Variants in LARGE1 observed in about 807,000 individuals in gnomAD.
The protein encoded by LARGE1 is LARGE xylosyl- and glucuronyltransferase 1.
In LARGE1, 43 loss-of-function variants were observed where a neutral mutation model predicts 87.6. The ratio of observed to expected loss-of-function variants is 0.49; its 90% CI spans 0.38 to 0.63. The LOEUF (loss-of-function observed/expected upper bound fraction) is 0.63. LARGE1 is among the 30% of genes least tolerant of loss of function. LARGE1 has a pLI of 0.00. For missense variants in LARGE1, 802 were observed against 1,000.2 expected, an observed-to-expected ratio of 0.80 and a Z score of 2.67; for synonymous variants, 434 against 394.6, an observed-to-expected ratio of 1.10 and a Z score of -1.18.
intron 3 of LARGE1, among the ~76,000 whole-genome samples, chr22:33,629,811 C>T (rs2080045712): frequency 6.6e-6 from 1 of 151,906 alleles, no homozygotes. Flanking sequence ...TTGGCTCATG[C>T]CTGTGGCTCA....
chr22:33,525,998 A>G (rs2071873765), intron 6 of LARGE1, among the ~76,000 whole-genome samples: 1 of 152,204 alleles, frequency 6.6e-6, no homozygotes, highest in Non-Finnish European at 1.5e-5. Context: ...TCATAGCAAC[A>G]TTACTCATGG....
chr22:33,779,473 A>C (rs1239583088), intron 1 of LARGE1, among the ~76,000 whole-genome samples: 1 of 152,134 alleles, frequency 6.6e-6, no homozygotes, highest in Non-Finnish European at 1.5e-5. Context: ...GTTCCTAGCG[A>C]CAGTTTGATC....
exon 12 of LARGE1, chr22:33,164,968 AC>A (rs1431964770): frequency 3.3e-5 from 5 of 152,232 alleles, no homozygotes; most frequent in African/African-American, 1.2e-4. Context: ...GTACTCATGG[AC>A]AAAAAGATGG....
intron 9 of LARGE1, among the ~76,000 whole-genome samples, chr22:33,347,208 C>T (rs1045563991): frequency 7.2e-5 from 11 of 152,238 alleles, no homozygotes; most frequent in Admixed American, 4.6e-4. Flanking sequence ...CAGTGCTCTA[C>T]AGGCTCTTGC....
chr22:33,803,406 C>A (rs1401594752), intron 1 of LARGE1, among the ~76,000 whole-genome samples: 1 of 152,128 alleles, frequency 6.6e-6, no homozygotes, highest in Non-Finnish European at 1.5e-5. Flanking sequence ...GTATGTTGTA[C>A]ATAGCTGGAA....
intron 2 of LARGE1, among the ~76,000 whole-genome samples, chr22:33,684,322 G>A (rs2081877844): frequency 6.6e-6 from 1 of 151,684 alleles, no homozygotes; most frequent in Admixed American, 6.6e-5. Flanking sequence ...AATTATCAAG[G>A]CCAACGGGAG....
At position 33,566,496 on chromosome 22, in the gene LARGE1, C is replaced by G. The variant is rs190116389; in HGVS notation, c.616-1477G>C. ...GCTCCTTCCGGGGGGTTCTTGGTCTCGCTGACTTCAAGAGTGAAGCTGTGG... is the reference window on the plus strand; with the variant it reads ...GCTCCTTCCGGGGGGTTCTTGGTCTGGCTGACTTCAAGAGTGAAGCTGTGG... On this transcript the variant is annotated intron_variant, in intron 5 of 14. Transcript: ENST00000397394. Among the ~76,000 whole-genome samples, 331 of 152,260 alleles carry G rather than the reference C, an allele frequency of 2.2e-3. 2 individuals carry two copies. Among genetic ancestry groups the G allele is most frequent in the South Asian group, 4.2e-4 (2 of 4,818 alleles).
At chr22:33,467,663 T>A (rs1006245406) in intron 6 of LARGE1, among the ~76,000 whole-genome samples, 1 of 152,240 alleles carries the variant, frequency 6.6e-6, no homozygotes, top group African/African-American at 2.4e-5. Context: ...TTGATTTTAC[T>A]GTCAAATGAA....
At chr22:33,834,670 C>G (rs985829321) in intron 1 of LARGE1, among the ~76,000 whole-genome samples, 9 of 152,186 alleles carry the variant, frequency 5.9e-5, no homozygotes, top group African/African-American at 1.9e-4. Context: ...TCTCTTCACA[C>G]GGACGCGAGT....
At chr22:33,664,815 C>T (rs1480316733) in intron 2 of LARGE1, among the ~76,000 whole-genome samples, 1 of 152,134 alleles carries the variant, frequency 6.6e-6, no homozygotes, top group Admixed American at 6.5e-5. Context: ...GCCAAGACTG[C>T]GCCACTGCAC....
intron 1 of LARGE1, among the ~76,000 whole-genome samples, chr22:33,797,844 A>G (rs1286488804): frequency 6.6e-6 from 1 of 152,250 alleles, no homozygotes; most frequent in African/African-American, 2.4e-5. Flanking sequence ...TGCCATTTAC[A>G]ACCGTAACCT....
At chr22:33,454,053 G>A (rs538076180) in intron 6 of LARGE1, among the ~76,000 whole-genome samples, 1 of 152,288 alleles carries the variant, frequency 6.6e-6, no homozygotes, top group South Asian at 2.1e-4. Context: ...CTTGCCACAT[G>A]GAAAAGTGTT....
At chr22:33,481,964 C>T (rs149592524) in intron 6 of LARGE1, among the ~76,000 whole-genome samples, 1 of 152,158 alleles carries the variant, frequency 6.6e-6, no homozygotes, top group Non-Finnish European at 1.5e-5. Flanking sequence ...TTCCTACCTA[C>T]CAGACAGTTA....
intron 6 of LARGE1, among the ~76,000 whole-genome samples, chr22:33,466,032 T>G (rs1335936915): frequency 6.6e-6 from 1 of 152,202 alleles, no homozygotes; most frequent in Non-Finnish European, 1.5e-5. Context: ...TGTGGTAGCC[T>G]ATACGTCCCT....
chr22:33,339,399 C>CCTCTCAG lies in LARGE1; in HGVS notation c.1132-1599_1132-1598insCTGAGAG, dbSNP rs565826181. 4.7e-3 allele frequency among the ~76,000 whole-genome samples: 717 copies of CCTCTCAG among 151,972 alleles called. 4 individuals are homozygous for CCTCTCAG. The highest frequency in any genetic ancestry group is 0.016 in the African/African-American group (653 of 41,432). On this transcript the variant is annotated intron_variant, in intron 9 of 14. Coordinates refer to ENST00000397394, the MANE Select transcript of LARGE1 (RefSeq NM_133642.5). ...AGGGGCGGAAAAATGTTGGTAGTGG[C>CCTCTCAG]GTCGTGGGGTCATGCCCTGGACCTG...
intron 11 of LARGE1, among the ~76,000 whole-genome samples, chr22:33,228,762 G>A (rs1034152776): frequency 6.6e-6 from 1 of 152,166 alleles, no homozygotes; most frequent in African/African-American, 2.4e-5. Context: ...ATGTTGCACT[G>A]ATTCACAGGG....
At chr22:33,621,094 T>C (rs1243060332) in intron 4 of LARGE1, among the ~76,000 whole-genome samples, 1 of 152,208 alleles carries the variant, frequency 6.6e-6, no homozygotes, top group Non-Finnish European at 1.5e-5. Context: ...CCATTTTAAA[T>C]TATATTTTCA....
intron 11 of LARGE1, among the ~76,000 whole-genome samples, chr22:33,198,636 GACACAC>G (rs71187250): frequency 0.022 from 2,959 of 137,442 alleles, 29 homozygotes; most frequent in Middle Eastern, 0.03. Flanking sequence ...TATACACCGT[GACACAC>G]ACACACACAC....
intron 11 of LARGE1, among the ~76,000 whole-genome samples, chr22:33,193,202 T>C (rs1923880620): frequency 6.6e-6 from 1 of 152,108 alleles, no homozygotes; most frequent in South Asian, 2.1e-4. Flanking sequence ...AAAAGTATAG[T>C]TTAGTTAATT....
Sources: gnomAD v4.1 joint callset for allele counts (sites outside exome capture counted in the v4.1 genomes callset) on GRCh38, gnomAD v4.1.1 for gene constraint, MANE v1.5 for transcripts, NCBI Gene and HGNC (gene_info 2026-07-23, HGNC 2026-07-21) for gene names.